The following YES1 variants were observed in gnomAD, a reference collection of about 807,000 sequenced individuals.
The protein encoded by YES1 is tyrosine-protein kinase Yes.
In YES1, 39 loss-of-function variants were observed where a neutral mutation model predicts 70.4. The ratio of observed to expected loss-of-function variants is 0.55; its 90% CI spans 0.43 to 0.72. The LOEUF is 0.72. YES1 is among the 30% of genes least tolerant of loss of function. YES1 has a pLI of 0.00. For synonymous variants in YES1, 198 were observed against 218.6 expected (o/e 0.91, Z 0.83); for missense variants, 495 against 644.8 (o/e 0.77, Z 2.52).
intron 1 of YES1, chr18:775,095 G>GAAACCT (rs1178189406): frequency 1.3e-5 from 2 of 152,164 alleles, no homozygotes. Context: ...CAACCTTTCT[G>GAAACCT]TGTCCCAGTT....
rs774374829 is a variant in YES1, at chr18:794,855, C to T, written c.-9+17259G>A. On this transcript the variant is annotated intron_variant, in intron 1 of 11. Coordinates refer to ENST00000314574, the MANE Select transcript of YES1 (RefSeq NM_005433.4). ...TTTTTGAGACGGAGTCTCACTCTGT[C>T]GCCCAGGCTGGAGAGCAGTGGTGCA... 3.3e-4 allele frequency among the ~76,000 whole-genome samples: 51 copies of T among 152,322 alleles called. 1 individual carries two copies. The highest frequency in any genetic ancestry group is 1.9e-4 in the Non-Finnish European group (13 of 68,028).
At chr18:755,747 A>T (rs1198403733) in intron 2 of YES1, among the ~76,000 whole-genome samples, 1 of 152,208 alleles carries the variant, frequency 6.6e-6, no homozygotes, top group East Asian at 1.9e-4. Context: ...ATAGAGATAA[A>T]GAAATCTGAG....
chr18:741,866 G>A (rs1295071174), intron 8 of YES1, among the ~76,000 whole-genome samples: 1 of 152,232 alleles, frequency 6.6e-6, no homozygotes, highest in Non-Finnish European at 1.5e-5. Flanking sequence ...ACTGTTTGCA[G>A]TAGACATTCC....
At chr18:771,610 G>A (rs557878211) in intron 1 of YES1, among the ~76,000 whole-genome samples, 61 of 151,566 alleles carry the variant, frequency 4.0e-4, no homozygotes, top group African/African-American at 1.4e-3. Flanking sequence ...GTGCAGTGGC[G>A]CGATCACGAC....
chr18:732,255 A>G (rs747158831), intron 11 of YES1, among the ~76,000 whole-genome samples: 51 of 151,754 alleles, frequency 3.4e-4, no homozygotes, highest in Non-Finnish European at 5.9e-4. Context: ...CTTAGCCAAC[A>G]TGGCAAAACC....
At chr18:796,505 C>T (rs1906551106) in intron 1 of YES1, among the ~76,000 whole-genome samples, 1 of 152,170 alleles carries the variant, frequency 6.6e-6, no homozygotes. Flanking sequence ...TGCAGTGGCT[C>T]ACGCTGGTAA....
intron 1 of YES1, among the ~76,000 whole-genome samples, chr18:768,547 T>C (rs1336477844): frequency 1.3e-5 from 2 of 152,154 alleles, no homozygotes; most frequent in African/African-American, 4.8e-5. Context: ...TGTTACTACT[T>C]TATTTCTATT....
intron 1 of YES1, among the ~76,000 whole-genome samples, chr18:795,506 T>C (rs550123270): frequency 6.6e-6 from 1 of 152,196 alleles, no homozygotes; most frequent in East Asian, 1.9e-4. Flanking sequence ...AACCAACCCA[T>C]ATCCCCATCA....
intron 10 of YES1, 188 bp downstream of exon 10, chr18:736,620 A>G (rs1322681088): frequency 1.5e-6 from 1 of 670,460 alleles, no homozygotes; most frequent in African/African-American, 1.8e-5. Flanking sequence ...TACCTAGTCA[A>G]GTTCTTTCTT....
intron 1 of YES1, among the ~76,000 whole-genome samples, chr18:765,601 T>C (rs1321888244): frequency 6.6e-6 from 1 of 151,986 alleles, no homozygotes; most frequent in Non-Finnish European, 1.5e-5. Context: ...GGTTTCACCT[T>C]ATTGGCCAGT....
chr18:809,504 T>C (rs1940293), intron 1 of YES1, among the ~76,000 whole-genome samples: 32,875 of 152,020 alleles, frequency 0.22, 3,728 homozygotes, highest in East Asian at 0.32. Flanking sequence ...TTTCACCACG[T>C]TGGCCAGGCT....
chr18:778,759 C>A (rs1281072900), intron 1 of YES1, among the ~76,000 whole-genome samples: 4 of 152,000 alleles, frequency 2.6e-5, no homozygotes, highest in Admixed American at 6.6e-5. Context: ...TTATAAATCC[C>A]CTCCCTTAAG....
intron 1 of YES1, among the ~76,000 whole-genome samples, chr18:811,632 A>C (rs557848306): frequency 6.6e-6 from 1 of 151,988 alleles, no homozygotes; most frequent in Non-Finnish European, 1.5e-5. Flanking sequence ...AAGTAAAGCC[A>C]GAAAGGCTCA....
chr18:747,927 C>T lies in YES1; in HGVS notation c.463G>A (p.Ala155Thr), dbSNP rs148854441. Residue 155 changes from alanine (A) to threonine (T), a missense_variant, in exon 4 of 12, where the codon GCA becomes ACA. Physicochemically the swap from Ala to Thr is moderately conservative, Grantham distance 58. Around this residue, in one of 2 missense-constraint regions of YES1, gnomAD observed 385 missense variants for 540.9 expected, o/e 0.71. Transcript: ENST00000314574. ...TATGAAGTAGTGCCATACTCTTCTG[C>T]CTGAATGGAATCTGCAGGCGCTACA... ...NYVAPADSIQ[A>T]EEWYFGKMGR... 4 of 1,613,098 alleles carry T rather than the reference C, an allele frequency of 2.5e-6. No individual in the cohort carries two copies. Among genetic ancestry groups the T allele is most frequent in the Non-Finnish European group, 3.4e-6 (4 of 1,179,776 alleles).
At chr18:804,656 T>C (rs1906998443) in intron 1 of YES1, among the ~76,000 whole-genome samples, 1 of 145,450 alleles carries the variant, frequency 6.9e-6, no homozygotes, top group African/African-American at 2.6e-5. Flanking sequence ...CTCACACCTG[T>C]AAGCCTGGCA....
chr18:774,070 A>T (rs1394871830), intron 1 of YES1, among the ~76,000 whole-genome samples: 1 of 152,108 alleles, frequency 6.6e-6, no homozygotes, highest in South Asian at 2.1e-4. Flanking sequence ...TGACCTTGTG[A>T]TCCACCCGCC....
Position 722,591 on chromosome 18 carries a change from C to G in YES1, c.*1833G>C, listed in dbSNP as rs1440396287. 6.6e-6 allele frequency: 1 copy of G among 152,336 alleles called. No individual in the cohort carries two copies. Among genetic ancestry groups the G allele is most frequent in the Non-Finnish European group, 1.5e-5 (1 of 68,034 alleles). 9.4% of individuals were successfully genotyped at this position (152,336 alleles called of 1,614,324 possible). A position where few individuals can be genotyped will look rare whatever the true frequency, so the allele number is the denominator to read the frequency against. On this transcript the variant is annotated 3_prime_UTR_variant, in exon 12 of 12. Coordinates refer to ENST00000314574, the MANE Select transcript of YES1 (RefSeq NM_005433.4). ...ATTTTTCCTTTGCTAGACACTCAAA[C>G]CACTAATGCTGCTATTCAAATCTGT...
intron 1 of YES1, among the ~76,000 whole-genome samples, chr18:783,683 C>T (rs1001865154): frequency 6.6e-6 from 1 of 150,500 alleles, no homozygotes; most frequent in African/African-American, 2.4e-5. Flanking sequence ...ATGGTGCAAT[C>T]TCAGCTCAAT....
intron 11 of YES1, among the ~76,000 whole-genome samples, chr18:725,514 T>A (rs1424827960): frequency 6.6e-6 from 1 of 152,230 alleles, no homozygotes; most frequent in East Asian, 1.9e-4. Context: ...TAAAAAAAAC[T>A]CTACATGACA....
Sources: allele counts gnomAD v4.1 joint callset (sites outside exome capture counted in the v4.1 genomes callset), GRCh38; gene constraint gnomAD v4.1.1; regional missense constraint gnomAD v4.1.1; transcripts MANE v1.5; gene names NCBI Gene and HGNC (gene_info 2026-07-23, HGNC 2026-07-21).